Variants in RABGAP1L observed in about 807,000 individuals in gnomAD.
RABGAP1L encodes the protein rab GTPase-activating protein 1-like.
A neutral mutation model predicts 137.7 loss-of-function variants in RABGAP1L; 63 were observed. The ratio of observed to expected loss-of-function variants is 0.46; its 90% CI spans 0.37 to 0.56. The LOEUF is 0.56. RABGAP1L is among the 20% of genes least tolerant of loss of function. The pLI is 0.00. For synonymous variants in RABGAP1L, 431 were observed against 433.7 expected (o/e 0.99, Z 0.08); for missense variants, 1,095 against 1,244.0 (o/e 0.88, Z 1.80).
At chr1:174,686,038 T>G (rs1233182548) in intron 15 of RABGAP1L, among the ~76,000 whole-genome samples, 1 of 152,122 alleles carries the variant, frequency 6.6e-6, no homozygotes, top group Non-Finnish European at 1.5e-5. Context: ...GAAGATTAAA[T>G]CCCAGGAACA....
At chr1:174,905,196 T>C (rs1415092037) in intron 19 of RABGAP1L, among the ~76,000 whole-genome samples, 5 of 152,172 alleles carry the variant, frequency 3.3e-5, no homozygotes, top group Non-Finnish European at 1.5e-5. Context: ...AATAAATAAC[T>C]AATTCTTCAA....
intron 13 of RABGAP1L, chr1:174,548,385 T>A (rs1666188964): frequency 9.9e-7 from 1 of 1,005,970 alleles, no homozygotes; most frequent in Non-Finnish European, 1.2e-6. Context: ...CTACCATATA[T>A]TTAAAACTAT....
Position 174,550,940 on chromosome 1 carries a change from A to G in RABGAP1L, c.1711-86435A>G, listed in dbSNP as rs186214324. Among the ~76,000 whole-genome samples the G allele has an allele frequency of 2.5e-3, 332 of 133,730 alleles. 24 individuals carry two copies. Among genetic ancestry groups the G allele is most frequent in the African/African-American group, 9.4e-3 (305 of 32,388 alleles). The allele number at this position is 133,730 out of a possible 152,430, so 87.7% of individuals were successfully genotyped here. On this transcript the variant is annotated intron_variant, in intron 13 of 25. Transcript: ENST00000681986. Reference sequence around the variant, plus strand: ...CACACACATATATATATACACATATATATACACACATATATATACACATAT... The same window carrying G: ...CACACACATATATATATACACATATGTATACACACATATATATACACATAT...
intron 18 of RABGAP1L, among the ~76,000 whole-genome samples, chr1:174,787,339 A>G (rs891965017): frequency 1.3e-5 from 2 of 149,638 alleles, no homozygotes; most frequent in African/African-American, 2.5e-5. Context: ...GGAGGTGGAG[A>G]TTGCAGTGAG....
chr1:174,202,516 A>C (rs1384628821), intron 1 of RABGAP1L, among the ~76,000 whole-genome samples: 1 of 151,766 alleles, frequency 6.6e-6, no homozygotes, highest in East Asian at 1.9e-4. Context: ...TTTTCTTGTA[A>C]ATTTGTTTGA....
intron 13 of RABGAP1L, among the ~76,000 whole-genome samples, chr1:174,607,381 A>C (rs1670867662): frequency 6.6e-6 from 1 of 152,106 alleles, no homozygotes; most frequent in Admixed American, 6.5e-5. Flanking sequence ...TGGTGTTGCA[A>C]TACCTGCTCT....
Position 174,487,636 on chromosome 1 carries a change from G to A in RABGAP1L, c.1710+93491G>A, listed in dbSNP as rs143097574. On this transcript the variant is annotated intron_variant, in intron 13 of 25. Transcript: ENST00000681986. Reference sequence around the variant, plus strand: ...TTCATTTACATTCAATGTTATTATTGGTAATTAAAGACTTACTACTGCCTA... The same window carrying A: ...TTCATTTACATTCAATGTTATTATTAGTAATTAAAGACTTACTACTGCCTA... Among the ~76,000 whole-genome samples, 193 of 152,006 alleles carry A rather than the reference G, an allele frequency of 1.3e-3. 1 individual carries two copies. The highest frequency in any genetic ancestry group is 2.9e-3 in the Admixed American group (44 of 15,270).
chr1:174,356,750 T>A (rs1683671454), intron 11 of RABGAP1L, among the ~76,000 whole-genome samples: 1 of 152,132 alleles, frequency 6.6e-6, no homozygotes, highest in South Asian at 2.1e-4. Flanking sequence ...CAGTGGATAA[T>A]AAGAGATAAA....
chr1:174,467,475 A>C (rs1416319126), intron 13 of RABGAP1L, among the ~76,000 whole-genome samples: 3 of 152,096 alleles, frequency 2.0e-5, no homozygotes. Context: ...CTTAGCCATG[A>C]TTCTCAGGTC....
At chr1:174,372,873 G>A (rs1230514269) in intron 12 of RABGAP1L, among the ~76,000 whole-genome samples, 1 of 152,106 alleles carries the variant, frequency 6.6e-6, no homozygotes, top group Admixed American at 6.5e-5. Context: ...ACTTTGCATT[G>A]CCATTATGTT....
At chr1:174,734,242 GT>G (rs1682747979) in intron 17 of RABGAP1L, among the ~76,000 whole-genome samples, 1 of 152,118 alleles carries the variant, frequency 6.6e-6, no homozygotes, top group African/African-American at 2.4e-5. Context: ...TGATTTGGGA[GT>G]TATTAGTGTA....
chr1:174,739,688 T>G (rs2148646773), intron 17 of RABGAP1L, among the ~76,000 whole-genome samples: 1 of 152,326 alleles, frequency 6.6e-6, no homozygotes, highest in South Asian at 2.1e-4. Flanking sequence ...AGAACTGAAT[T>G]ATAATCAGGA....
At chr1:174,736,020 C>T (rs1682916036) in intron 17 of RABGAP1L, among the ~76,000 whole-genome samples, 1 of 152,168 alleles carries the variant, frequency 6.6e-6, no homozygotes, top group African/African-American at 2.4e-5. Context: ...GTCATTCTAC[C>T]CCTGGCCTCT....
Position 174,304,973 on chromosome 1 carries a change from ATATT to A in RABGAP1L, c.1324-11_1324-8del. ...ATTTCTAATACTTAAATATACTGTTATATTTTTCTCAGTCTGAGGGAAAAGGCCA... is the reference window on the plus strand; with the variant it reads ...ATTTCTAATACTTAAATATACTGTTATTTCTCAGTCTGAGGGAAAAGGCCA... On this transcript the variant is annotated splice_polypyrimidine_tract_variant and intron_variant, in intron 10 of 25. Coordinates refer to ENST00000681986, the MANE Select transcript of RABGAP1L (RefSeq NM_001366446.1). The A allele has an allele frequency of 6.6e-7, 1 of 1,525,620 alleles. No individual in the cohort carries two copies. Among genetic ancestry groups the A allele is most frequent in the Non-Finnish European group, 8.8e-7 (1 of 1,138,810 alleles). The allele number at this position is 1,525,620 out of a possible 1,614,324, so 94.5% of individuals were successfully genotyped here. A position where few individuals can be genotyped will look rare whatever the true frequency, so the allele number is the denominator to read the frequency against.
intron 13 of RABGAP1L, among the ~76,000 whole-genome samples, chr1:174,542,422 G>A (rs1335814639): frequency 6.6e-6 from 1 of 152,160 alleles, no homozygotes; most frequent in African/African-American, 2.4e-5. Flanking sequence ...TTGTATTTCT[G>A]TGGGATCTGT....
At chr1:174,701,986 A>G (rs983948514) in intron 16 of RABGAP1L, 127 bp from the exon 17 acceptor site, 2 of 776,812 alleles carry the variant, frequency 2.6e-6, no homozygotes, top group Non-Finnish European at 2.0e-6. Context: ...GTTATACAAG[A>G]CAACCAATAC....
Position 174,719,900 on chromosome 1 carries a change from C to A in RABGAP1L, c.2169+17644C>A, listed in dbSNP as rs577377863. Among the ~76,000 whole-genome samples the A allele has an allele frequency of 6.0e-4, 91 of 151,974 alleles. 1 individual carries two copies. The highest frequency in any genetic ancestry group is 1.8e-3 in the Admixed American group (27 of 15,270). On this transcript the variant is annotated intron_variant, in intron 17 of 25. Coordinates refer to ENST00000681986, the MANE Select transcript of RABGAP1L (RefSeq NM_001366446.1). Reference sequence around the variant, plus strand: ...ATATGTACTTTAGAAGCCCATATTGCAAGACTTGTATTTATGATGGCTATA... The same window carrying A: ...ATATGTACTTTAGAAGCCCATATTGAAAGACTTGTATTTATGATGGCTATA...
chr1:174,699,575 T>C lies in RABGAP1L; in HGVS notation c.1950T>C (p.Tyr650=), dbSNP rs763153097. The change falls in exon 16 of 26, where the codon TAT becomes TAC. Residue 650 remains tyrosine (Y), a synonymous_variant. Transcript: ENST00000681986. ...TTTTGGTGAAAATCATGTACGACTA[T>C]GGTTTGAGAGACCTCTACAGAAACA... is the stretch of plus-strand genomic sequence containing the variant. ...FCVLVKIMYD[Y]GLRDLYRNNF... 42 of 1,611,746 alleles carry C rather than the reference T, an allele frequency of 2.6e-5. No individual in the cohort carries two copies. The highest frequency in any genetic ancestry group is 3.4e-5 in the Non-Finnish European group (40 of 1,177,898).
intron 6 of RABGAP1L, among the ~76,000 whole-genome samples, chr1:174,251,151 T>C (rs1672681939): frequency 6.6e-6 from 1 of 152,228 alleles, no homozygotes; most frequent in Non-Finnish European, 1.5e-5. Flanking sequence ...GTAGAAAATT[T>C]AGTAAAATAA....
Sources: allele counts gnomAD v4.1 joint callset (sites outside exome capture counted in the v4.1 genomes callset), GRCh38; gene constraint gnomAD v4.1.1; transcripts MANE v1.5; gene names NCBI Gene and HGNC (gene_info 2026-07-23, HGNC 2026-07-21).